Variants in PKD1L1 observed in about 807,000 individuals in gnomAD.
The protein encoded by PKD1L1 is polycystin-1-like protein 1.
In PKD1L1, 236 loss-of-function variants were observed where a neutral mutation model predicts 323.4. The ratio of observed to expected loss-of-function variants is 0.73; its 90% CI spans 0.66 to 0.81. PKD1L1 has a LOEUF of 0.81. PKD1L1 is among the 40% of genes least tolerant of loss of function. The probability of loss-of-function intolerance (pLI) is 0.00; values close to 1 mark genes in which losing one functional copy is unlikely to be tolerated. For synonymous variants in PKD1L1, 1,344 were observed against 1,335.0 expected, an observed-to-expected ratio of 1.01 and a Z score of -0.15; for missense variants, 3,320 against 3,508.0, an observed-to-expected ratio of 0.95 and a Z score of 1.35.
At chr7:47,797,324 A>G (rs915628705) in intron 54 of PKD1L1, among the ~76,000 whole-genome samples, 1 of 152,234 alleles carries the variant, frequency 6.6e-6, no homozygotes, top group Non-Finnish European at 1.5e-5. Context: ...GTTCCCCCAC[A>G]TGGAAACACT....
At chr7:47,922,123 G>C (rs560136152) in intron 7 of PKD1L1, among the ~76,000 whole-genome samples, 2 of 152,302 alleles carry the variant, frequency 1.3e-5, no homozygotes, top group South Asian at 4.1e-4. Flanking sequence ...CGTGTTGGCC[G>C]GGCTGGTCTC....
At chr7:47,934,983 C>A (rs1352454744) in intron 4 of PKD1L1, among the ~76,000 whole-genome samples, 1 of 152,144 alleles carries the variant, frequency 6.6e-6, no homozygotes, top group Non-Finnish European at 1.5e-5. Context: ...GAGGTGGAGT[C>A]AATGAGCTCC....
rs760100256 is a variant in PKD1L1, at chr7:47,819,643, GA to G, written c.6965+1432del. 4.2e-3 allele frequency: 3,381 copies of G among 813,800 alleles called. 6 individuals carry two copies. The highest frequency in any genetic ancestry group is 4.9e-3 in the Admixed American group (147 of 30,132). The allele number at this position is 813,800 out of a possible 1,614,324, so 50.4% of individuals were successfully genotyped here. A position where few individuals can be genotyped will look rare whatever the true frequency, so the allele number is the denominator to read the frequency against. On this transcript the variant is annotated intron_variant, in intron 46 of 56. Coordinates refer to ENST00000289672, the MANE Select transcript of PKD1L1 (RefSeq NM_138295.5). ...AATTTCACTATTACAATGCTCAGCA[GA>G]AAAAAAAAAACAAAACAACTTGGAT...
intron 8 of PKD1L1, among the ~76,000 whole-genome samples, chr7:47,912,815 C>CAAAAAAAA (rs59792729): frequency 1.4e-4 from 9 of 63,630 alleles, no homozygotes; most frequent in Admixed American, 2.1e-4. Flanking sequence ...GACTGTGTCT[C>CAAAAAAAA]AAAAAAAAAA....
At position 47,946,102 on chromosome 7, in the gene PKD1L1, G is replaced by A. The variant is rs1210662504; in HGVS notation, c.44+2295C>T. On this transcript the variant is annotated intron_variant, in intron 1 of 56. Coordinates refer to ENST00000289672, the MANE Select transcript of PKD1L1 (RefSeq NM_138295.5). The surrounding 1 kb of genome is among the most constrained non-coding windows in gnomAD (Gnocchi z 4.1). ...TGAGGAGGCAGGTCCCCAGGCCCTG[G>A]CACAGAATCAGCACCATTTTCACAG... Among the ~76,000 whole-genome samples the A allele has an allele frequency of 2.0e-5, 3 of 152,136 alleles. No individual in the cohort carries two copies. The highest frequency in any genetic ancestry group is 4.4e-5 in the Non-Finnish European group (3 of 68,026).
rs192411086 is a variant in PKD1L1, at chr7:47,931,016, T to G, written c.737+88A>C. On this transcript the variant is annotated intron_variant, in intron 6 of 56. Transcript: ENST00000289672. ...CTATAATTAAAGCAAACAACGAAGA[T>G]ACTAAAATCACTAACGGATTGGGCA... 7 of 1,303,218 alleles carry G rather than the reference T, an allele frequency of 5.4e-6. No homozygotes were observed. The Admixed American group carries it at 1.1e-4, about 21-fold the overall frequency. The allele number at this position is 1,303,218 out of a possible 1,614,324, so 80.7% of individuals were successfully genotyped here.
intron 2 of PKD1L1, among the ~76,000 whole-genome samples, chr7:47,942,352 CCACATGATCTTAA>C (rs1405134645): frequency 5.3e-5 from 8 of 152,256 alleles, no homozygotes; most frequent in African/African-American, 1.7e-4. Flanking sequence ...GGTAACAATT[CCACATGATCTTAA>C]CATAAGAATT....
chr7:47,923,115 A>G (rs1436312817), intron 7 of PKD1L1, among the ~76,000 whole-genome samples: 1 of 152,088 alleles, frequency 6.6e-6, no homozygotes, highest in Non-Finnish European at 1.5e-5. Context: ...TGCTTTGTTA[A>G]ACAGATGCTT....
At chr7:47,909,616 G>A (rs1185399003) in intron 8 of PKD1L1, among the ~76,000 whole-genome samples, 2 of 152,116 alleles carry the variant, frequency 1.3e-5, no homozygotes, top group Non-Finnish European at 2.9e-5. Context: ...AGAACACTTA[G>A]TACATACATA....
In PKD1L1 at chr7:47,940,201, T is replaced by C; in HGVS notation, c.277A>G (p.Arg93Gly). 6.2e-7 allele frequency: 1 copy of C among 1,614,162 alleles called. No individual in the cohort carries two copies. The highest frequency in any genetic ancestry group is 1.1e-5 in the South Asian group (1 of 91,082). Residue 93 changes from arginine to glycine, a missense_variant, in exon 3 of 57, where the codon AGG becomes GGG. Physicochemically the swap from Arg to Gly is moderately radical, Grantham distance 125 (BLOSUM62 -2). Coordinates refer to ENST00000289672, the MANE Select transcript of PKD1L1 (RefSeq NM_138295.5). The part of the protein sequence containing the change: ...ESQSPSSSAS[R>G]QKNIWKTTSE... ...CCCAGATCCAGGAATACCTTCTGCC[T>C]GGAAGCTGATGAGGATGGGCTCTGT... is the stretch of plus-strand genomic sequence containing the variant.
chr7:47,802,652 T>G (rs1053879354), intron 53 of PKD1L1, among the ~76,000 whole-genome samples: 1 of 152,188 alleles, frequency 6.6e-6, no homozygotes, highest in Non-Finnish European at 1.5e-5. Context: ...GAAAGCTCTT[T>G]CTCTGCTGGG....
At chr7:47,834,767 A>G (rs1785421238) in intron 39 of PKD1L1, among the ~76,000 whole-genome samples, 200 bp downstream of exon 39, 1 of 152,252 alleles carries the variant, frequency 6.6e-6, no homozygotes, top group Admixed American at 6.5e-5. Context: ...AGGATTTTAT[A>G]AGGTTCATAT....
rs184686751 is a variant in PKD1L1 at position 47,835,557 on chromosome 7, C to T, written c.5944-314G>A. Among the ~76,000 whole-genome samples the T allele has an allele frequency of 1.8e-3, 276 of 152,140 alleles. 1 individual carries two copies. The highest frequency in any genetic ancestry group is 5.9e-3 in the African/African-American group (244 of 41,506). On this transcript the variant is annotated intron_variant, in intron 37 of 56. Transcript: ENST00000289672. ...CTGGGATTACAGGCATGCACCACCA[C>T]GCCCAGCTAATTTTTGTATTTTTAG...
At chr7:47,870,984 GAAA>G (rs57805873) in intron 24 of PKD1L1, among the ~76,000 whole-genome samples, 2 of 86,086 alleles carry the variant, frequency 2.3e-5, no homozygotes, top group African/African-American at 9.8e-5. Context: ...AAAAAAAAAA[GAAA>G]AAAAAAAAAA....
chr7:47,923,885 GAA>G (rs1787606642), intron 7 of PKD1L1, among the ~76,000 whole-genome samples: 2 of 151,298 alleles, frequency 1.3e-5, no homozygotes, highest in South Asian at 4.2e-4. Flanking sequence ...AAGAAGCAAA[GAA>G]AAAAGTTATA....
intron 46 of PKD1L1, chr7:47,818,312 G>A: frequency 1.3e-6 from 1 of 751,628 alleles, no homozygotes; most frequent in Non-Finnish European, 1.8e-6. Flanking sequence ...GATGGCTGGA[G>A]GTGAATTTTC....
intron 7 of PKD1L1, among the ~76,000 whole-genome samples, chr7:47,926,371 T>A (rs964021698): frequency 5.9e-5 from 9 of 152,176 alleles, no homozygotes; most frequent in South Asian, 2.1e-4. Context: ...CTGACCCCCA[T>A]CTTTGAGTTG....
chr7:47,942,365 A>G (rs1455109254), intron 2 of PKD1L1, among the ~76,000 whole-genome samples: 5 of 152,252 alleles, frequency 3.3e-5, no homozygotes, highest in Middle Eastern at 3.4e-3. Flanking sequence ...CATGATCTTA[A>G]CATAAGAATT....
rs758640200 is a variant in PKD1L1 at position 47,802,872 on chromosome 7, C to A, written c.7962+338G>T. Among the ~76,000 whole-genome samples, 3 of 152,146 alleles carry A rather than the reference C, an allele frequency of 2.0e-5. No homozygotes were observed. The South Asian group carries it at 6.2e-4, about 31-fold the overall frequency. On this transcript the variant is annotated intron_variant, in intron 53 of 56. Transcript: ENST00000289672. ...CCATAGCTTGGTTGTGATAGTTAAA[C>A]GAAGTAATCTATGAGAGGCCCAAAG...
Sources: gnomAD v4.1 joint callset for allele counts (sites outside exome capture counted in the v4.1 genomes callset) on GRCh38, gnomAD v4.1.1 for gene constraint, Gnocchi (gnomAD v3.1) non-coding constraint, MANE v1.5 for transcripts, NCBI Gene and HGNC (gene_info 2026-07-23, HGNC 2026-07-21) for gene names.